The following NLGN1 variants were observed in gnomAD, a reference collection of about 807,000 sequenced individuals.
NLGN1 encodes neuroligin-1.
A neutral mutation model predicts 65.5 loss-of-function variants in NLGN1; 12 were observed. The ratio of observed to expected loss-of-function variants is 0.18; its 90% CI spans 0.12 to 0.30. The LOEUF (loss-of-function observed/expected upper bound fraction) is 0.30. NLGN1 is among the 10% of genes least tolerant of loss of function. The probability of loss-of-function intolerance (pLI) is 1.00; values close to 1 mark genes in which losing one functional copy is unlikely to be tolerated. For synonymous variants in NLGN1, 350 were observed against 359.5 expected, an observed-to-expected ratio of 0.97 and a Z score of 0.30; for missense variants, 750 against 1,007.1, an observed-to-expected ratio of 0.74 and a Z score of 3.46.
intron 4 of NLGN1, among the ~76,000 whole-genome samples, chr3:173,982,363 T>C (rs184833796): frequency 6.6e-6 from 1 of 152,212 alleles, no homozygotes; most frequent in Admixed American, 6.6e-5. Context: ...AATTATTACA[T>C]ATTTGCTTTT....
Position 173,504,884 on chromosome 3 carries a change from T to C in NLGN1, c.-321+69806T>C, listed in dbSNP as rs139056473. Among the ~76,000 whole-genome samples, 6 of 152,174 alleles carry C rather than the reference T, an allele frequency of 3.9e-5. No homozygotes were observed. In the East Asian group the frequency reaches 9.7e-4, roughly 25 times the overall value. On this transcript the variant is annotated intron_variant, in intron 2 of 6. Transcript: ENST00000457714. ...CTCTTAAGTCTATTTCGTGTTGGACTTCCTCAAGACGAAAAACTCCTAAAT... is the reference window on the plus strand; with the variant it reads ...CTCTTAAGTCTATTTCGTGTTGGACCTCCTCAAGACGAAAAACTCCTAAAT...
chr3:173,943,986 A>G (rs1366343293), intron 4 of NLGN1, among the ~76,000 whole-genome samples: 1 of 152,228 alleles, frequency 6.6e-6, no homozygotes, highest in Non-Finnish European at 1.5e-5. Context: ...AGAAATGCAG[A>G]TAATGAGTGA....
chr3:173,950,922 A>G (rs1466818400), intron 4 of NLGN1, among the ~76,000 whole-genome samples: 1 of 152,058 alleles, frequency 6.6e-6, no homozygotes, highest in Non-Finnish European at 1.5e-5. Flanking sequence ...GCTAGAGTGC[A>G]GTGGCGTGAT....
upstream of NLGN1, among the ~76,000 whole-genome samples, chr3:173,398,220 C>T (rs1240328588): frequency 6.6e-6 from 1 of 152,186 alleles, no homozygotes; most frequent in Non-Finnish European, 1.5e-5. Flanking sequence ...GCCTTCTGCT[C>T]TCCCCAGGCC....
At chr3:173,905,279 C>T (rs1738157110) in intron 4 of NLGN1, among the ~76,000 whole-genome samples, 1 of 152,142 alleles carries the variant, frequency 6.6e-6, no homozygotes, top group Non-Finnish European at 1.5e-5. Flanking sequence ...TCTTGTTTTA[C>T]ACACTTTAAA....
intron 3 of NLGN1, among the ~76,000 whole-genome samples, chr3:173,779,393 G>T (rs1780795692): frequency 6.6e-6 from 1 of 151,934 alleles, no homozygotes; most frequent in African/African-American, 2.4e-5. Context: ...TATATGAGTG[G>T]AAAATATTTG....
At chr3:173,836,798 TC>T (rs1431449586) in intron 4 of NLGN1, among the ~76,000 whole-genome samples, 4 of 152,180 alleles carry the variant, frequency 2.6e-5, no homozygotes, top group African/African-American at 4.8e-5. Context: ...ATCAGTGGAA[TC>T]AAAAGTTAGA....
At chr3:173,696,860 A>T (rs1267651822) in intron 3 of NLGN1, among the ~76,000 whole-genome samples, 2 of 152,220 alleles carry the variant, frequency 1.3e-5, no homozygotes, top group African/African-American at 4.8e-5. Context: ...TTCACCTACA[A>T]GGTGTTCTGC....
At chr3:173,668,528 C>T (rs1310504910) in intron 3 of NLGN1, among the ~76,000 whole-genome samples, 1 of 152,068 alleles carries the variant, frequency 6.6e-6, no homozygotes, top group Non-Finnish European at 1.5e-5. Flanking sequence ...AGGAAGACAA[C>T]CCTGTGTGAA....
Position 173,968,687 on chromosome 3 carries a change from C to CTT in NLGN1, c.646+160883_646+160884dup, listed in dbSNP as rs34662762. On this transcript the variant is annotated intron_variant, in intron 4 of 6. Coordinates refer to ENST00000457714, the Ensembl canonical transcript of NLGN1. ...ACACCCCACAATTACTGAAAATAATCTTTTTTTTTTTTTTTTTTTTTTTTT... is the reference window on the plus strand; with the variant it reads ...ACACCCCACAATTACTGAAAATAATCTTTTTTTTTTTTTTTTTTTTTTTTTTT... 7.1e-3 allele frequency among the ~76,000 whole-genome samples: 424 copies of CTT among 59,506 alleles called. 59 individuals are homozygous for CTT. Among genetic ancestry groups the CTT allele is most frequent in the African/African-American group, 0.025 (338 of 13,750 alleles). The allele number at this position is 59,506 out of a possible 152,430, so 39.0% of individuals were successfully genotyped here. A position where few individuals can be genotyped will look rare whatever the true frequency, so the allele number is the denominator to read the frequency against.
intron 3 of NLGN1, among the ~76,000 whole-genome samples, chr3:173,758,349 A>G (rs1048659273): frequency 6.6e-6 from 1 of 152,016 alleles, no homozygotes; most frequent in African/African-American, 2.4e-5. Context: ...GAGACAATGG[A>G]CATATGGAAA....
chr3:174,205,923 GT>G, intron 4 of NLGN1, among the ~76,000 whole-genome samples: 1 of 152,134 alleles, frequency 6.6e-6, no homozygotes, highest in Non-Finnish European at 1.5e-5. Context: ...CTTCAATTCA[GT>G]GCCCAGCAAC....
At chr3:174,027,730 A>C (rs894649243) in intron 4 of NLGN1, among the ~76,000 whole-genome samples, 1 of 152,178 alleles carries the variant, frequency 6.6e-6, no homozygotes, top group African/African-American at 2.4e-5. Context: ...TAATTTTTAT[A>C]GCTTTATAAA....
chr3:173,661,784 C>T (rs545092878), intron 3 of NLGN1, among the ~76,000 whole-genome samples: 21 of 151,974 alleles, frequency 1.4e-4, no homozygotes, highest in South Asian at 1.0e-3. Flanking sequence ...TAGCGAAAGT[C>T]GTTAGAATAC....
rs1440866675 is a variant in NLGN1 at position 174,261,338 on chromosome 3, G to A, written c.647-13977G>A. On this transcript the variant is annotated intron_variant, in intron 4 of 6. Coordinates refer to ENST00000457714, the Ensembl canonical transcript of NLGN1. ...ATGAGCATGGAATGTTCTTCCATTTGTTTGTATCCTCTTTTATTTCCTTGA... is the reference window on the plus strand; with the variant it reads ...ATGAGCATGGAATGTTCTTCCATTTATTTGTATCCTCTTTTATTTCCTTGA... 4.7e-3 allele frequency among the ~76,000 whole-genome samples: 677 copies of A among 144,920 alleles called. 2 individuals are homozygous for A. The highest frequency in any genetic ancestry group is 0.016 in the African/African-American group (610 of 39,054).
At chr3:173,511,198 GC>G (rs2149095916) in intron 2 of NLGN1, among the ~76,000 whole-genome samples, 1 of 152,262 alleles carries the variant, frequency 6.6e-6, no homozygotes, top group African/African-American at 2.4e-5. Context: ...ACTGAAACTT[GC>G]AAACGACAAG....
At chr3:173,560,397 G>T (rs1742514372) in intron 2 of NLGN1, among the ~76,000 whole-genome samples, 1 of 152,010 alleles carries the variant, frequency 6.6e-6, no homozygotes, top group South Asian at 2.1e-4. Flanking sequence ...AATGAAAAAG[G>T]GAAGAAGAGG....
intron 4 of NLGN1, among the ~76,000 whole-genome samples, chr3:173,937,204 A>C (rs1247304550): frequency 6.6e-6 from 1 of 152,082 alleles, no homozygotes; most frequent in East Asian, 1.9e-4. Context: ...AATATGAGCT[A>C]TTAATTATGC....
rs117099642 is a variant in NLGN1 at position 173,405,451 on chromosome 3, C to G, written c.-390+6964C>G. ...TGGCCATAAGAAATTATAAAATGCACCTTGATTTCAGATATGTTAAAGGTG... is the reference window on the plus strand; with the variant it reads ...TGGCCATAAGAAATTATAAAATGCAGCTTGATTTCAGATATGTTAAAGGTG... On this transcript the variant is annotated intron_variant, in intron 1 of 6. Transcript: ENST00000457714. 1.2e-3 allele frequency among the ~76,000 whole-genome samples: 181 copies of G among 151,950 alleles called. 3 individuals are homozygous for G. The East Asian group carries it at 0.021, about 17-fold the overall frequency.
Sources: gnomAD v4.1 joint callset for allele counts (sites outside exome capture counted in the v4.1 genomes callset) on GRCh38, gnomAD v4.1.1 for gene constraint, MANE v1.5 for transcripts, NCBI Gene and HGNC (gene_info 2026-07-23, HGNC 2026-07-21) for gene names.